GABRB3: variants seen among roughly 807,000 people sequenced by gnomAD.
GABRB3 encodes gamma-aminobutyric acid receptor subunit beta-3.
A neutral mutation model predicts 52.1 loss-of-function variants in GABRB3; 14 were observed. The ratio of observed to expected loss-of-function variants is 0.27; its 90% CI spans 0.18 to 0.42. The LOEUF (loss-of-function observed/expected upper bound fraction) is 0.42, where lower values mean the gene tolerates loss of function less well. Among genes scored for constraint, GABRB3 ranks in the 10% least tolerant of loss-of-function variants. GABRB3 has a pLI of 1.00. For missense variants in GABRB3, 307 were observed against 609.1 expected (o/e 0.50, Z 5.22); for synonymous variants, 260 against 232.3 (o/e 1.12, Z -1.08).
At chr15:26,707,426 G>T (rs1369480479) in intron 3 of GABRB3, among the ~76,000 whole-genome samples, 1 of 152,188 alleles carries the variant, frequency 6.6e-6, no homozygotes. Flanking sequence ...GGAAAAGACG[G>T]CAGAGACTTG....
At chr15:26,666,258 C>T (rs1182259596) in intron 3 of GABRB3, 1 of 152,200 alleles carries the variant, frequency 6.6e-6, no homozygotes, top group East Asian at 1.9e-4. Context: ...TACTTATGGT[C>T]AAACAATTTT....
At chr15:26,753,352 AAGAC>A (rs1437431327) in intron 3 of GABRB3, among the ~76,000 whole-genome samples, 4 of 152,376 alleles carry the variant, frequency 2.6e-5, no homozygotes, top group South Asian at 4.1e-4. Flanking sequence ...TCACAGGTGA[AAGAC>A]AGATCAGAGA....
At chr15:26,683,791 T>C (rs962636809) in intron 3 of GABRB3, among the ~76,000 whole-genome samples, 4 of 151,974 alleles carry the variant, frequency 2.6e-5, no homozygotes, top group African/African-American at 7.2e-5. Flanking sequence ...TACACTCTCA[T>C]ACACTCATGA....
At chr15:26,548,584 C>T (rs1434845355) in intron 8 of GABRB3, among the ~76,000 whole-genome samples, 2 of 152,146 alleles carry the variant, frequency 1.3e-5, no homozygotes, top group African/African-American at 4.8e-5. Flanking sequence ...TACAGAGAAA[C>T]ACATGAATAG....
At position 26,544,244 on chromosome 15, in the gene GABRB3, G is replaced by A. The variant is rs1889138430; in HGVS notation, c.*3549C>T. The A allele has an allele frequency of 6.6e-6, 1 of 152,560 alleles. No individual in the cohort carries two copies. The highest frequency in any genetic ancestry group is 2.4e-5 in the African/African-American group (1 of 41,424). The allele number at this position is 152,560 out of a possible 1,614,324, so 9.5% of individuals were successfully genotyped here. A position where few individuals can be genotyped will look rare whatever the true frequency, so the allele number is the denominator to read the frequency against. On this transcript the variant is annotated 3_prime_UTR_variant, in exon 9 of 9. Coordinates refer to ENST00000311550, the MANE Select transcript of GABRB3 (RefSeq NM_000814.6). Reference sequence around the variant, plus strand: ...ATTCTTGTTAGAATACACCAATGGTGGGACAAACACCAATGGATTATCTAC... The same window carrying A: ...ATTCTTGTTAGAATACACCAATGGTAGGACAAACACCAATGGATTATCTAC...
chr15:26,625,620 A>C, intron 3 of GABRB3: 1 of 277,182 alleles, frequency 3.6e-6, no homozygotes, highest in Non-Finnish European at 5.5e-6. Flanking sequence ...CTCACAGAAC[A>C]TGAAATGGAA....
chr15:26,586,397 AACAC>A (rs56386894), intron 4 of GABRB3, among the ~76,000 whole-genome samples: 4 of 138,014 alleles, frequency 2.9e-5, no homozygotes, highest in African/African-American at 5.5e-5. Flanking sequence ...AACCACCCCT[AACAC>A]ACACACACAC....
intron 4 of GABRB3, among the ~76,000 whole-genome samples, chr15:26,587,698 T>C (rs1321304608): frequency 6.6e-6 from 1 of 152,142 alleles, no homozygotes; most frequent in Non-Finnish European, 1.5e-5. Context: ...TCACAGACGG[T>C]AGAACTGAGA....
At chr15:26,650,702 T>C (rs1011468231) in intron 3 of GABRB3, among the ~76,000 whole-genome samples, 1 of 152,110 alleles carries the variant, frequency 6.6e-6, no homozygotes, top group Non-Finnish European at 1.5e-5. Context: ...TAATTGGTTT[T>C]CTACACTGTT....
chr15:26,772,294 G>A (rs776175139), intron 3 of GABRB3, 108 bp downstream of exon 3: 5 of 985,752 alleles, frequency 5.1e-6, no homozygotes, highest in Non-Finnish European at 6.1e-6. Flanking sequence ...GCGGACCGGG[G>A]AAACTCGGCC....
chr15:26,675,826 G>A (rs1346765206), intron 3 of GABRB3, among the ~76,000 whole-genome samples: 1 of 152,200 alleles, frequency 6.6e-6, no homozygotes, highest in Non-Finnish European at 1.5e-5. Context: ...CCACCAGGCA[G>A]ATGGTAAATG....
intron 3 of GABRB3, among the ~76,000 whole-genome samples, chr15:26,726,761 C>A (rs1566820528): frequency 1.3e-5 from 2 of 152,214 alleles, no homozygotes; most frequent in South Asian, 4.1e-4. Context: ...AAGCTGGTAT[C>A]TGCTGGGTTT....
At chr15:26,629,365 C>T (rs1409090532) in intron 3 of GABRB3, among the ~76,000 whole-genome samples, 2 of 152,318 alleles carry the variant, frequency 1.3e-5, no homozygotes, top group South Asian at 2.1e-4. Context: ...CGGCGCTGTG[C>T]GGCGTGGAGA....
chr15:26,596,653 T>TA lies in GABRB3; in HGVS notation c.462-13240dup, dbSNP rs201040028. 5.9e-5 allele frequency among the ~76,000 whole-genome samples: 9 copies of TA among 151,700 alleles called. No homozygotes were observed. In the East Asian group the frequency reaches 1.4e-3, roughly 23 times the overall value. Reference sequence around the variant, plus strand: ...ATATAATATAATCCACTGCAGAACATAAAAAAAGAGAGAAATCTACTTGAT... The same window carrying TA: ...ATATAATATAATCCACTGCAGAACATAAAAAAAAGAGAGAAATCTACTTGAT... On this transcript the variant is annotated intron_variant, in intron 4 of 8. Transcript: ENST00000311550.
chr15:26,659,752 C>G (rs1238520418), intron 3 of GABRB3, among the ~76,000 whole-genome samples: 4 of 152,184 alleles, frequency 2.6e-5, no homozygotes, highest in African/African-American at 9.7e-5. Context: ...CATAATCCAG[C>G]ATGTTCCTGG....
At chr15:26,759,246 A>G (rs1402262148) in intron 3 of GABRB3, among the ~76,000 whole-genome samples, 2 of 151,988 alleles carry the variant, frequency 1.3e-5, no homozygotes, top group Non-Finnish European at 2.9e-5. Flanking sequence ...AAAAAAAAAT[A>G]GAATATAGCA....
intron 3 of GABRB3, among the ~76,000 whole-genome samples, chr15:26,626,275 A>C (rs1566781723): frequency 6.6e-6 from 1 of 152,052 alleles, no homozygotes; most frequent in Non-Finnish European, 1.5e-5. Flanking sequence ...CTACCAACTG[A>C]CCCTTAACCC....
At chr15:26,632,074 T>C (rs1171446527) in intron 3 of GABRB3, among the ~76,000 whole-genome samples, 3 of 152,244 alleles carry the variant, frequency 2.0e-5, no homozygotes, top group Non-Finnish European at 4.4e-5. Flanking sequence ...GGCCTCCTAC[T>C]GGCCCAGCAA....
At chr15:26,760,143 G>A (rs1890775316) in intron 3 of GABRB3, among the ~76,000 whole-genome samples, 1 of 152,214 alleles carries the variant, frequency 6.6e-6, no homozygotes, top group African/African-American at 2.4e-5. Flanking sequence ...ATTGCAAGCT[G>A]CCAGAGGAGA....
Sources: gnomAD v4.1 joint callset for allele counts (sites outside exome capture counted in the v4.1 genomes callset) on GRCh38, gnomAD v4.1.1 for gene constraint, MANE v1.5 for transcripts, NCBI Gene and HGNC (gene_info 2026-07-23, HGNC 2026-07-21) for gene names.